The following CRB1 variants were observed in gnomAD, a reference collection of about 807,000 sequenced individuals.
CRB1 encodes protein crumbs homolog 1.
In CRB1, 83 loss-of-function variants were observed where a neutral mutation model predicts 120.0. The ratio of observed to expected loss-of-function variants is 0.69; its 90% CI spans 0.58 to 0.83. The LOEUF is 0.83. CRB1 is among the 40% of genes least tolerant of loss of function. The probability of loss-of-function intolerance (pLI) is 0.00; values close to 1 mark genes in which losing one functional copy is unlikely to be tolerated. For synonymous variants in CRB1, 625 were observed against 612.5 expected (o/e 1.02, Z -0.30); for missense variants, 1,699 against 1,687.6 (o/e 1.01, Z -0.12).
At chr1:197,392,428 T>G (rs907076867) in intron 5 of CRB1, among the ~76,000 whole-genome samples, 7 of 152,136 alleles carry the variant, frequency 4.6e-5, no homozygotes, top group Non-Finnish European at 1.0e-4. Flanking sequence ...GAATAGGAAC[T>G]GATACTATAA....
At chr1:197,206,521 T>C in the CRB1 span, among the ~76,000 whole-genome samples, 1 of 152,186 alleles carries the variant, frequency 6.6e-6, no homozygotes, top group East Asian at 1.9e-4. Flanking sequence ...CCAATGATCA[T>C]TCAGGAGCAA....
At chr1:197,317,202 G>A (rs1012987556) in intron 1 of CRB1, among the ~76,000 whole-genome samples, 3 of 152,288 alleles carry the variant, frequency 2.0e-5, no homozygotes, top group South Asian at 2.1e-4. Flanking sequence ...TGAATCACCC[G>A]AGGTCAAGAG....
the CRB1 span, among the ~76,000 whole-genome samples, chr1:197,262,360 CCTTTT>C: frequency 6.6e-6 from 1 of 151,992 alleles, no homozygotes. Flanking sequence ...TATAAATCTT[CCTTTT>C]CTTCTATTTT....
At chr1:197,396,973 G>A (rs1251801534) in intron 5 of CRB1, among the ~76,000 whole-genome samples, 1 of 151,960 alleles carries the variant, frequency 6.6e-6, no homozygotes, top group East Asian at 1.9e-4. Flanking sequence ...AAAAGTTTCA[G>A]CTCTTTGAAA....
In CRB1 at chr1:197,442,243, T is replaced by A. The variant is rs559611648; in HGVS notation, c.3956T>A (p.Phe1319Tyr). The stretch of plus-strand genomic sequence containing the variant: ...CTGTGCCAGGACTTACTCAACAAAT[T>A]CCAGTGCCTCTGTGATGTTGCCTTT... The part of the protein sequence containing the change: ...GGLCQDLLNK[F>Y]QCLCDVAFAG... The change falls in exon 11 of 12, where the codon TTC becomes TAC. Residue 1319 changes from phenylalanine to tyrosine, a missense_variant. Coordinates refer to ENST00000367400, the MANE Select transcript of CRB1 (RefSeq NM_201253.3). 5.5e-5 allele frequency: 89 copies of A among 1,614,184 alleles called. 1 individual carries two copies. In the South Asian group the frequency reaches 8.8e-4, roughly 16 times the overall value.
At chr1:197,449,539 TG>T (rs1265156498) in intron 11 of CRB1, among the ~76,000 whole-genome samples, 3 of 151,996 alleles carry the variant, frequency 2.0e-5, no homozygotes, top group Admixed American at 1.3e-4. Context: ...GCTAATTTTT[TG>T]TATTTTTAGT....
At chr1:197,256,524 T>A in the CRB1 span, among the ~76,000 whole-genome samples, 1 of 152,116 alleles carries the variant, frequency 6.6e-6, no homozygotes, top group Non-Finnish European at 1.5e-5. Context: ...TTTAAGACAC[T>A]TCTTAAAATT....
chr1:197,268,882 AT>A (rs1654751691), intron 1 of CRB1, among the ~76,000 whole-genome samples: 1 of 152,200 alleles, frequency 6.6e-6, no homozygotes, highest in Non-Finnish European at 1.5e-5. Flanking sequence ...CATACTATAT[AT>A]TTATCTTCAC....
At chr1:197,217,067 G>A in the CRB1 span, among the ~76,000 whole-genome samples, 2 of 152,066 alleles carry the variant, frequency 1.3e-5, no homozygotes, top group African/African-American at 4.8e-5. Context: ...TTTTTAAAGT[G>A]TACATCGAAT....
At position 197,435,517 on chromosome 1, in the gene CRB1, C is replaced by T; in HGVS notation, c.3654C>T (p.Cys1218=). 1 of 1,611,954 alleles carries T rather than the reference C, an allele frequency of 6.2e-7. No homozygotes were observed. Among genetic ancestry groups the T allele is most frequent in the Non-Finnish European group, 8.5e-7 (1 of 1,178,930 alleles). ...GVNCEVDIDN[C]QSHQCANGAT... The stretch of plus-strand genomic sequence containing the variant: ...ACTGTGAAGTGGATATAGACAACTG[C>T]CAGAGTCACCAGTGTGCAAATGGAG... Residue 1218 remains cysteine (C), a synonymous_variant, in exon 9 of 12, where the codon TGC becomes TGT. Coordinates refer to ENST00000367400, the MANE Select transcript of CRB1 (RefSeq NM_201253.3).
intron 4 of CRB1, among the ~76,000 whole-genome samples, chr1:197,349,588 T>C (rs1659974668): frequency 6.6e-6 from 1 of 152,234 alleles, no homozygotes; most frequent in Admixed American, 6.5e-5. Flanking sequence ...ACCTGGAGAC[T>C]AGTCAATCTA....
Position 197,421,659 on chromosome 1 carries a change from T to C in CRB1, c.1831T>C (p.Ser611Pro), listed in dbSNP as rs769909288. ...SDQSICAFQN[S>P]FLGGLPVGMT... is the part of the protein sequence containing the mutation. ...TCAATCAATATGTGCTTTTCAGAACTCCTTTTTGGGTGGTTTACCAGTGGG... is the reference window on the plus strand; with the variant it reads ...TCAATCAATATGTGCTTTTCAGAACCCCTTTTTGGGTGGTTTACCAGTGGG... The change falls in exon 6 of 12, where the codon TCC becomes CCC. Residue 611 changes from serine to proline, a missense_variant. By Grantham distance (74) the Ser-to-Pro change is moderately conservative. Transcript: ENST00000367400. 10 of 1,614,102 alleles carry C rather than the reference T, an allele frequency of 6.2e-6. No homozygotes were observed. In the East Asian group the frequency reaches 2.0e-4, roughly 32 times the overall value.
intron 5 of CRB1, among the ~76,000 whole-genome samples, chr1:197,362,505 T>G (rs116290646): frequency 6.7e-4 from 102 of 152,236 alleles, no homozygotes; most frequent in African/African-American, 2.4e-3. Context: ...TTTGTCTCTT[T>G]CTTCTTTCAG....
intron 1 of CRB1, among the ~76,000 whole-genome samples, chr1:197,299,681 G>T (rs963753862): frequency 3.0e-4 from 46 of 152,156 alleles, no homozygotes; most frequent in African/African-American, 1.0e-3. Flanking sequence ...TATTGAAAAT[G>T]AATGAACTAC....
At chr1:197,384,445 T>A (rs1373374022) in intron 5 of CRB1, among the ~76,000 whole-genome samples, 3 of 152,184 alleles carry the variant, frequency 2.0e-5, no homozygotes, top group African/African-American at 7.2e-5. Flanking sequence ...ACAGCATGTC[T>A]CTTTCAACAG....
At chr1:197,221,776 CTT>C in the CRB1 span, among the ~76,000 whole-genome samples, 1 of 152,124 alleles carries the variant, frequency 6.6e-6, no homozygotes, top group East Asian at 1.9e-4. Context: ...GGTGGAATGA[CTT>C]TGTATATCTA....
intron 6 of CRB1, among the ~76,000 whole-genome samples, chr1:197,423,340 A>G (rs1174956683): frequency 6.6e-6 from 1 of 152,066 alleles, no homozygotes; most frequent in Non-Finnish European, 1.5e-5. Context: ...AAGTTCCTGA[A>G]TTGGTTACCC....
chr1:197,241,243 G>A, the CRB1 span, among the ~76,000 whole-genome samples: 5 of 152,124 alleles, frequency 3.3e-5, no homozygotes, highest in Non-Finnish European at 5.9e-5. Context: ...TGTTGGCATT[G>A]CTTTTGATGT....
the CRB1 span, among the ~76,000 whole-genome samples, chr1:197,207,103 C>T: frequency 2.0e-5 from 3 of 151,856 alleles, no homozygotes; most frequent in African/African-American, 7.3e-5. Flanking sequence ...TTTTTCCAGC[C>T]CTTCCTTATA....
Sources: gnomAD v4.1 joint callset for allele counts (sites outside exome capture counted in the v4.1 genomes callset) on GRCh38, gnomAD v4.1.1 for gene constraint, MANE v1.5 for transcripts, NCBI Gene and HGNC (gene_info 2026-07-23, HGNC 2026-07-21) for gene names.